The following HADHA variants were observed in gnomAD, a reference collection of about 807,000 sequenced individuals.
The protein encoded by HADHA is hydroxyacyl-CoA dehydrogenase trifunctional multienzyme complex subunit alpha.
A neutral mutation model predicts 91.3 loss-of-function variants in HADHA; 59 were observed. The ratio of observed to expected loss-of-function variants is 0.65; its 90% CI spans 0.52 to 0.80. The LOEUF (loss-of-function observed/expected upper bound fraction) is 0.80, where lower values mean the gene tolerates loss of function less well. HADHA is among the 30% of genes least tolerant of loss of function. The probability of loss-of-function intolerance (pLI) is 0.00; values close to 1 mark genes in which losing one functional copy is unlikely to be tolerated. For synonymous variants in HADHA, 320 were observed against 338.9 expected (o/e 0.94, Z 0.61); for missense variants, 800 against 927.6 (o/e 0.86, Z 1.79).
At chr2:26,208,248 T>G (rs960750992) in intron 11 of HADHA, among the ~76,000 whole-genome samples, 2 of 152,142 alleles carry the variant, frequency 1.3e-5, no homozygotes, top group African/African-American at 4.8e-5. Context: ...GGGGACAGAA[T>G]TTTCATAAAC....
At chr2:26,199,733 T>C (rs1669780910) in intron 13 of HADHA, among the ~76,000 whole-genome samples, 1 of 152,342 alleles carries the variant, frequency 6.6e-6, no homozygotes, top group South Asian at 2.1e-4. Flanking sequence ...TTTATCTTTT[T>C]TTCTTCCTGA....
chr2:26,243,548 T>TA (rs913937389), intron 1 of HADHA, among the ~76,000 whole-genome samples: 4 of 152,064 alleles, frequency 2.6e-5, no homozygotes, highest in African/African-American at 7.2e-5. Context: ...ATTCAATCAT[T>TA]AAAAAAATCC....
At chr2:26,233,041 G>T (rs1558329563) in intron 5 of HADHA, among the ~76,000 whole-genome samples, 2 of 152,176 alleles carry the variant, frequency 1.3e-5, no homozygotes, top group African/African-American at 2.4e-5. Context: ...GGCCAATGGA[G>T]TGCGCAACCT....
At chr2:26,239,229 TAAC>T in intron 1 of HADHA, 86 bp from the exon 2 acceptor site, 2 of 921,700 alleles carry the variant, frequency 2.2e-6, no homozygotes, top group Non-Finnish European at 3.6e-6. Context: ...TTTACAATAA[TAAC>T]AACAACAAAA....
intron 11 of HADHA, among the ~76,000 whole-genome samples, chr2:26,205,641 C>G (rs989908213): frequency 6.6e-6 from 1 of 151,948 alleles, no homozygotes; most frequent in African/African-American, 2.4e-5. Flanking sequence ...CACCAAAATA[C>G]AAAAATAAAA....
intron 4 of HADHA, 52 bp from the exon 5 acceptor site, chr2:26,234,407 A>G (rs747204203): frequency 2.1e-6 from 3 of 1,457,494 alleles, no homozygotes; most frequent in South Asian, 1.1e-5. Context: ...ACTATAATTT[A>G]TTTGGTTCAA....
In HADHA at chr2:26,191,494, G is replaced by A; in HGVS notation, c.2135C>T (p.Pro712Leu). Residue 712 changes from proline to leucine, a missense_variant, in exon 19 of 20, where the codon CCT (proline) becomes CTT (leucine). Coordinates refer to ENST00000380649, the MANE Select transcript of HADHA (RefSeq NM_000182.5). ...CCTGCGAGACCAACCTCCCAGACAAGGCGGGAAGCCAAGCCCAAAGACGGC... is the reference window on the plus strand; with the variant it reads ...CCTGCGAGACCAACCTCCCAGACAAAGCGGGAAGCCAAGCCCAAAGACGGC... ...IGAVFGLGFP[P>L]CLGGPFRFVD... 17 of 1,614,194 alleles carry A rather than the reference G, an allele frequency of 1.1e-5. No homozygotes were observed. The highest frequency in any genetic ancestry group is 1.4e-5 in the Non-Finnish European group (17 of 1,180,036).
Position 26,229,339 on chromosome 2 carries a change from T to TGCGC in HADHA, c.676+852_676+853insGCGC, listed in dbSNP as rs556477584. Among the ~76,000 whole-genome samples the TGCGC allele has an allele frequency of 1.4e-4, 8 of 57,378 alleles. No homozygotes were observed. The South Asian group carries it at 2.4e-3, about 17-fold the overall frequency. The allele number at this position is 57,378 out of a possible 152,430, so 37.6% of individuals were successfully genotyped here. ...AGCAACAGAGTGAGACCCCAACATG[T>TGCGC]GTGCGCGCGCACACACACACACACA... On this transcript the variant is annotated intron_variant, in intron 7 of 19. Transcript: ENST00000380649. The surrounding 1 kb of genome is among the most constrained non-coding windows in gnomAD (Gnocchi z 4.3).
intron 7 of HADHA, 106 bp downstream of exon 7, chr2:26,230,086 G>C (rs910961522): frequency 2.7e-6 from 2 of 730,662 alleles, no homozygotes; most frequent in African/African-American, 3.5e-5. Flanking sequence ...GCCTCCCAAA[G>C]TGCTGGGATT....
chr2:26,244,411 G>T, intron 1 of HADHA, 119 bp downstream of exon 1: 1 of 1,008,638 alleles, frequency 9.9e-7, no homozygotes. Flanking sequence ...TATCCCCACA[G>T]AGGGCTGCGT....
rs577399773 is a variant in HADHA at position 26,235,682 on chromosome 2, C to T, written c.314+1173G>A. Among the ~76,000 whole-genome samples, 15 of 152,264 alleles carry T rather than the reference C, an allele frequency of 9.9e-5. No individual in the cohort carries two copies. In the South Asian group the frequency reaches 1.5e-3, roughly 15 times the overall value. On this transcript the variant is annotated intron_variant, in intron 4 of 19. Transcript: ENST00000380649. ...ACTGATTACTACACATAAATAATTA[C>T]ACTTTCAGTACAAATTACTAAACCT...
chr2:26,219,443 C>G (rs753022778), intron 7 of HADHA, among the ~76,000 whole-genome samples: 1 of 152,050 alleles, frequency 6.6e-6, no homozygotes, highest in African/African-American at 2.4e-5. Flanking sequence ...AATTATTAAT[C>G]CAAAAGAAAG....
rs147183286 is a variant in HADHA at position 26,220,265 on chromosome 2, A to G, written c.677-5090T>C. Among the ~76,000 whole-genome samples the G allele has an allele frequency of 4.8e-3, 729 of 152,318 alleles. 3 individuals carry two copies. Among genetic ancestry groups the G allele is most frequent in the African/African-American group, 0.017 (709 of 41,558 alleles). On this transcript the variant is annotated intron_variant, in intron 7 of 19. Coordinates refer to ENST00000380649, the MANE Select transcript of HADHA (RefSeq NM_000182.5). ...CCTGCGGTTATTTTCCCAGTTTCAG[A>G]ATGTACAATTGGAGCAGACATACTC...
rs1272872897 is a variant in HADHA, at chr2:26,237,003, T to C, written c.181-15A>G. The C allele has an allele frequency of 1.9e-6, 3 of 1,591,980 alleles. No individual in the cohort carries two copies. Among genetic ancestry groups the C allele is most frequent in the Non-Finnish European group, 2.6e-6 (3 of 1,159,980 alleles). ...AGTGTATTTACCTGCCAAAGGGAAA[T>C]ATATACAGGTAAGGGTTTAAATTTG... is the stretch of plus-strand genomic sequence containing the variant. On this transcript the variant is annotated splice_polypyrimidine_tract_variant and intron_variant, in intron 3 of 19. Coordinates refer to ENST00000380649, the MANE Select transcript of HADHA (RefSeq NM_000182.5).
At position 26,210,844 on chromosome 2, in the gene HADHA, T is replaced by G. The variant is rs1670083981; in HGVS notation, c.976-955A>C. On this transcript the variant is annotated intron_variant, in intron 10 of 19. Coordinates refer to ENST00000380649, the MANE Select transcript of HADHA (RefSeq NM_000182.5). This position sits in a 1 kb window ranked among gnomAD's most constrained non-coding sequence, Gnocchi z 4.0. ...AAAATGGGAAAAACAATACCCATTT[T>G]ACAGTATTGTTCTGGGGGATTAAAT... The G allele has an allele frequency of 6.6e-6, 1 of 152,252 alleles. No homozygotes were observed. Among genetic ancestry groups the G allele is most frequent in the East Asian group, 1.9e-4 (1 of 5,202 alleles). The allele number at this position is 152,252 out of a possible 1,614,324, so 9.4% of individuals were successfully genotyped here. A position where few individuals can be genotyped will look rare whatever the true frequency, so the allele number is the denominator to read the frequency against.
At chr2:26,222,656 T>A (rs1457040727) in intron 7 of HADHA, among the ~76,000 whole-genome samples, 2 of 152,104 alleles carry the variant, frequency 1.3e-5, no homozygotes, top group African/African-American at 2.4e-5. Context: ...TTGTGGTAAG[T>A]GGACTTATTT....
At chr2:26,204,885 C>A (rs1446959190) in intron 11 of HADHA, among the ~76,000 whole-genome samples, 1 of 149,868 alleles carries the variant, frequency 6.7e-6, no homozygotes, top group Non-Finnish European at 1.5e-5. Flanking sequence ...ATCGTGTAAT[C>A]TTTCATTTCC....
chr2:26,242,760 T>TG (rs1553316501), intron 1 of HADHA, among the ~76,000 whole-genome samples: 4 of 152,180 alleles, frequency 2.6e-5, no homozygotes, highest in African/African-American at 7.2e-5. Flanking sequence ...ACAATGTTTT[T>TG]TTTGTTTGTT....
At chr2:26,244,460 G>A (rs1252947617) in intron 1 of HADHA, 70 bp downstream of exon 1, 10 of 1,474,038 alleles carry the variant, frequency 6.8e-6, no homozygotes, top group Admixed American at 5.9e-5. Flanking sequence ...GGGAGACGCG[G>A]CTCCGGGGCC....
Sources: allele counts gnomAD v4.1 joint callset (sites outside exome capture counted in the v4.1 genomes callset), GRCh38; gene constraint gnomAD v4.1.1; non-coding constraint Gnocchi (gnomAD v3.1); transcripts MANE v1.5; gene names NCBI Gene and HGNC (gene_info 2026-07-23, HGNC 2026-07-21).